Variants in CNKSR2 observed in about 807,000 individuals in gnomAD.
The protein encoded by CNKSR2 is CNK homolog protein 2.
CNKSR2 carries 14 observed loss-of-function variants against 84.4 expected under a neutral mutation model. The observed-to-expected ratio is 0.17, with a 90% CI of 0.11 to 0.26. The LOEUF is 0.26. Ranked by LOEUF, CNKSR2 falls within the 10% of genes least tolerant of loss-of-function variation. The probability of loss-of-function intolerance (pLI) is 1.00; values close to 1 mark genes in which losing one functional copy is unlikely to be tolerated. For synonymous variants in CNKSR2, 275 were observed against 277.9 expected (o/e 0.99, Z 0.10); for missense variants, 485 against 771.2 (o/e 0.63, Z 4.40).
chrX:21,465,147 A>G (rs1424177286), intron 4 of CNKSR2, among the ~76,000 whole-genome samples: 1 of 112,277 alleles, frequency 8.9e-6, no homozygotes, highest in Non-Finnish European at 1.9e-5. Context: ...ATCCAGGATT[A>G]TCAGAATTTA....
At chrX:21,618,231 A>G (rs2092586911) in intron 20 of CNKSR2, among the ~76,000 whole-genome samples, 1 of 111,041 alleles carries the variant, frequency 9.0e-6, no homozygotes, top group African/African-American at 3.3e-5. Flanking sequence ...TCCTATTTCC[A>G]GTGTTCTCAC....
intron 13 of CNKSR2, among the ~76,000 whole-genome samples, chrX:21,590,289 A>AGT (rs1274489905): frequency 8.9e-6 from 1 of 112,116 alleles, no homozygotes; most frequent in Non-Finnish European, 1.9e-5. Context: ...GGTACAAAGT[A>AGT]GTGTGTATGT....
At chrX:21,462,020 T>C (rs2091067236) in intron 4 of CNKSR2, among the ~76,000 whole-genome samples, 1 of 112,213 alleles carries the variant, frequency 8.9e-6, no homozygotes, top group African/African-American at 3.2e-5. Flanking sequence ...GGCTATTCTT[T>C]TGTGGTTCCG....
rs59192713 is a variant in CNKSR2, at chrX:21,404,789, C to CAA, written c.65-21686_65-21685dup. 4.5e-3 allele frequency among the ~76,000 whole-genome samples: 132 copies of CAA among 29,526 alleles called. 1 individual carries two copies. Among genetic ancestry groups the CAA allele is most frequent in the Non-Finnish European group, 5.4e-3 (86 of 16,010 alleles). 25.6% of individuals were successfully genotyped at this position (29,526 alleles called of 115,157 possible). A position where few individuals can be genotyped will look rare whatever the true frequency, so the allele number is the denominator to read the frequency against. On this transcript the variant is annotated intron_variant, in intron 1 of 21. Coordinates refer to ENST00000379510, the MANE Select transcript of CNKSR2 (RefSeq NM_014927.5). ...GGGAAACAAGAGCAAAACTCTGTCT[C>CAA]AAAAAAAAAAAAAAAAAAAAAAAGT...
At chrX:21,489,624 C>T (rs1439171874) in intron 5 of CNKSR2, among the ~76,000 whole-genome samples, 1 of 111,855 alleles carries the variant, frequency 8.9e-6, no homozygotes, top group African/African-American at 3.2e-5. Context: ...ATAGCTGTAA[C>T]ACATATTTTA....
intron 1 of CNKSR2, among the ~76,000 whole-genome samples, chrX:21,379,985 A>T (rs887871791): frequency 9.0e-5 from 10 of 111,402 alleles, no homozygotes; most frequent in Admixed American, 2.9e-4. Flanking sequence ...TAGAGTTGAA[A>T]TGGGGTTATT....
At chrX:21,592,643 T>C (rs1158050809) in intron 15 of CNKSR2, 1 of 111,292 alleles carries the variant, frequency 9.0e-6, no homozygotes, top group African/African-American at 3.3e-5. Flanking sequence ...ATTAATATTT[T>C]TCTATTTAAT....
intron 4 of CNKSR2, among the ~76,000 whole-genome samples, chrX:21,444,362 A>G (rs964039077): frequency 9.0e-6 from 1 of 111,489 alleles, no homozygotes; most frequent in African/African-American, 3.2e-5. Context: ...ATTTCATATC[A>G]TTTACTTTCA....
At chrX:21,386,643 C>G (rs1231105520) in intron 1 of CNKSR2, among the ~76,000 whole-genome samples, 1 of 112,258 alleles carries the variant, frequency 8.9e-6, no homozygotes. Context: ...ATGATATTTT[C>G]TGTTTCTCCT....
intron 1 of CNKSR2, among the ~76,000 whole-genome samples, chrX:21,412,431 T>C (rs1255092688): frequency 8.0e-5 from 9 of 112,114 alleles, no homozygotes; most frequent in Non-Finnish European, 1.3e-4. Context: ...ATATTTCTAG[T>C]GTACAATTTT....
intron 20 of CNKSR2, chrX:21,642,638 T>C (rs2147339108): frequency 1.3e-6 from 1 of 746,827 alleles, no homozygotes; most frequent in Non-Finnish European, 1.6e-6. Context: ...TGAAATGTTT[T>C]TTTCTTCCTG....
chrX:21,592,396 C>T (rs1808645181), intron 15 of CNKSR2: 1 of 110,527 alleles, frequency 9.0e-6, no homozygotes, highest in Admixed American at 9.7e-5. Context: ...GCCTGGGTAA[C>T]ATAGTGAGAC....
chrX:21,426,389 G>A, intron 1 of CNKSR2, 108 bp from the exon 2 acceptor site: 2 of 719,771 alleles, frequency 2.8e-6, no homozygotes, highest in Non-Finnish European at 4.2e-6. Flanking sequence ...AGTTAAAATG[G>A]ACTTAATTTG....
chrX:21,570,778 C>G (rs1413497780), intron 13 of CNKSR2, among the ~76,000 whole-genome samples: 1 of 111,883 alleles, frequency 8.9e-6, no homozygotes, highest in Non-Finnish European at 1.9e-5. Flanking sequence ...GGAGAACAGC[C>G]CATTGGGAGA....
chrX:21,488,163 A>G lies in CNKSR2; in HGVS notation c.562-2296A>G, dbSNP rs746508083. ...GCTAGACTAACCAGTGTAGTTACTG[A>G]TCATTGTAAGATGGTCAGCAAGGTA... On this transcript the variant is annotated intron_variant, in intron 5 of 21. Transcript: ENST00000379510. 2.7e-5 allele frequency among the ~76,000 whole-genome samples: 3 copies of G among 112,117 alleles called. No individual in the cohort carries two copies. In the South Asian group the frequency reaches 1.1e-3, roughly 42 times the overall value.
intron 17 of CNKSR2, among the ~76,000 whole-genome samples, chrX:21,599,006 T>C (rs2092465510): frequency 8.9e-6 from 1 of 112,952 alleles, no homozygotes; most frequent in African/African-American, 3.2e-5. Flanking sequence ...TTTAGCCCCT[T>C]GTGGCTCTAC....
intron 18 of CNKSR2, among the ~76,000 whole-genome samples, chrX:21,603,531 A>G (rs2092496580): frequency 8.9e-6 from 1 of 112,683 alleles, no homozygotes; most frequent in African/African-American, 3.2e-5. Context: ...AATAGCCAGT[A>G]TAGCTTAGAA....
chrX:21,451,823 G>A (rs750942637), intron 4 of CNKSR2, among the ~76,000 whole-genome samples: 16 of 109,233 alleles, frequency 1.5e-4, no homozygotes, highest in South Asian at 8.2e-4. Context: ...CATTGTGCAC[G>A]TGTACCCTAA....
chrX:21,541,458 A>G lies in CNKSR2; in HGVS notation c.1303+9391A>G, dbSNP rs368656514. On this transcript the variant is annotated intron_variant, in intron 11 of 21. Transcript: ENST00000379510. ...TGGCATTTCTAGAAAATAAGTAAAT[A>G]CAATAAGCCCTCATTTAACATCATC... is the stretch of plus-strand genomic sequence containing the variant. Among the ~76,000 whole-genome samples, 7 of 112,176 alleles carry G rather than the reference A, an allele frequency of 6.2e-5. No homozygotes were observed. The South Asian group carries it at 2.2e-3, about 36-fold the overall frequency.
Sources: gnomAD v4.1 joint callset for allele counts (sites outside exome capture counted in the v4.1 genomes callset) on GRCh38, gnomAD v4.1.1 for gene constraint, MANE v1.5 for transcripts, NCBI Gene and HGNC (gene_info 2026-07-23, HGNC 2026-07-21) for gene names.